Variants in URI1 observed in about 807,000 individuals in gnomAD.
URI1 encodes the protein unconventional prefoldin RPB5 interactor 1.
A neutral mutation model predicts 60.2 loss-of-function variants in URI1; 39 were observed. The observed-to-expected ratio is 0.65, with a 90% confidence interval of 0.50 to 0.85. The LOEUF (loss-of-function observed/expected upper bound fraction) is 0.85, where lower values mean the gene tolerates loss of function less well. Ranked by LOEUF, URI1 falls within the 40% of genes least tolerant of loss-of-function variation. URI1 has a pLI of 0.00. For missense variants in URI1, 691 were observed against 665.9 expected (o/e 1.04, Z -0.42); for synonymous variants, 251 against 236.8 (o/e 1.06, Z -0.55).
chr19:30,010,961 ACAT>A (rs1396709122), intron 8 of URI1, 130 bp from the exon 9 acceptor site: 21 of 920,014 alleles, frequency 2.3e-5, no homozygotes, highest in African/African-American at 3.4e-5. Context: ...CTGATAATGC[ACAT>A]CATTTCAGCA....
At chr19:29,930,369 C>T (rs1037567591) in intron 1 of URI1, among the ~76,000 whole-genome samples, 1 of 152,148 alleles carries the variant, frequency 6.6e-6, no homozygotes, top group South Asian at 2.1e-4. Flanking sequence ...ATGATTGCCC[C>T]TATGGTTTCT....
intron 1 of URI1, among the ~76,000 whole-genome samples, chr19:29,928,130 G>A (rs1188471975): frequency 6.6e-6 from 1 of 152,000 alleles, no homozygotes. Context: ...ATATGTGCAA[G>A]CAGAAGTTTT....
At chr19:29,928,659 C>A (rs930567045) in intron 1 of URI1, among the ~76,000 whole-genome samples, 1 of 151,986 alleles carries the variant, frequency 6.6e-6, no homozygotes, top group African/African-American at 2.4e-5. Context: ...AATAGGATTG[C>A]CAGATAAAAT....
intron 2 of URI1, 105 bp downstream of exon 2, chr19:29,971,332 G>A (rs1599687459): frequency 9.0e-7 from 1 of 1,115,928 alleles, no homozygotes; most frequent in Middle Eastern, 2.0e-4. Flanking sequence ...TGTATGACTA[G>A]TAATTGAATT....
At chr19:29,954,346 A>G (rs1317509233) in intron 1 of URI1, among the ~76,000 whole-genome samples, 1 of 152,080 alleles carries the variant, frequency 6.6e-6, no homozygotes, top group Non-Finnish European at 1.5e-5. Flanking sequence ...ATTTTTATTT[A>G]TATTGAATCT....
chr19:29,955,098 A>G (rs1225112525), intron 1 of URI1, among the ~76,000 whole-genome samples: 1 of 148,586 alleles, frequency 6.7e-6, no homozygotes, highest in Non-Finnish European at 1.5e-5. Flanking sequence ...GGTTCATGCT[A>G]TTCTCCTGCC....
In URI1 at chr19:29,986,342, G is replaced by C; in HGVS notation, c.292G>C (p.Val98Leu). 2 of 1,610,972 alleles carry C rather than the reference G, an allele frequency of 1.2e-6. No individual in the cohort carries two copies. The highest frequency in any genetic ancestry group is 1.7e-6 in the Non-Finnish European group (2 of 1,179,514). The change falls in exon 4 of 11, where the codon GTT becomes CTT. Residue 98 changes from valine to leucine, a missense_variant. By Grantham distance (32) the Val-to-Leu change is conservative (BLOSUM62 1). Coordinates refer to ENST00000392271, the MANE Select transcript of URI1 (RefSeq NM_003796.3). ...ACTTGTCCATACTAATGAAGTCACT[G>C]TTTTACTGGGGGACAACTGGTTTGC... ...GKLVHTNEVT[V>L]LLGDNWFAKC...
chr19:30,004,858 T>C (rs1008400974), intron 4 of URI1, among the ~76,000 whole-genome samples: 2 of 152,082 alleles, frequency 1.3e-5, no homozygotes, highest in African/African-American at 4.8e-5. Flanking sequence ...TGTTGTGTTG[T>C]TATGCAGTTT....
At chr19:29,924,432 G>T (rs1021984774) in intron 1 of URI1, among the ~76,000 whole-genome samples, 1 of 152,144 alleles carries the variant, frequency 6.6e-6, no homozygotes, top group African/African-American at 2.4e-5. Context: ...GTGTACTGGC[G>T]ATCTAAACAA....
In URI1 at chr19:30,005,539, T is replaced by C. The variant is rs184447373; in HGVS notation, c.459+87T>C. 4.9e-3 allele frequency: 7,242 copies of C among 1,490,862 alleles called. 23 individuals are homozygous for C. The highest frequency in any genetic ancestry group is 6.1e-3 in the Non-Finnish European group (6,746 of 1,099,198). The allele number at this position is 1,490,862 out of a possible 1,614,324, so 92.4% of individuals were successfully genotyped here. A position where few individuals can be genotyped will look rare whatever the true frequency, so the allele number is the denominator to read the frequency against. ...ATCTTACAGCCAAGGAACAAATTAA[T>C]TGAAGTTTAAAATGCTTTCAGACAT... On this transcript the variant is annotated intron_variant, in intron 5 of 10. Transcript: ENST00000392271.
At chr19:29,932,578 A>G (rs2054930865) in intron 1 of URI1, among the ~76,000 whole-genome samples, 1 of 151,342 alleles carries the variant, frequency 6.6e-6, no homozygotes, top group Admixed American at 6.6e-5. Flanking sequence ...CGGCCTCCCA[A>G]AGTGCTGGGA....
rs749840982 is a variant in URI1, at chr19:30,009,227, T to C, written c.909T>C (p.Asp303=). 9 of 1,613,496 alleles carry C rather than the reference T, an allele frequency of 5.6e-6. No homozygotes were observed. The highest frequency in any genetic ancestry group is 2.2e-5 in the East Asian group (1 of 44,840). Residue 303 remains aspartate (D), a synonymous_variant, in exon 8 of 11, where the codon GAT becomes GAC. Coordinates refer to ENST00000392271, the MANE Select transcript of URI1 (RefSeq NM_003796.3). The part of the protein sequence containing the change: ...SSSYHSDDDD[D]DDDDDDDDNI... ...CTTACCACAGTGATGATGATGATGA[T>C]GATGATGATGACGACGACGACGACA... is the stretch of plus-strand genomic sequence containing the variant.
At chr19:29,941,395 A>C (rs761118352), upstream of URI1, among the ~76,000 whole-genome samples, 1 of 152,206 alleles carries the variant, frequency 6.6e-6, no homozygotes, top group Non-Finnish European at 1.5e-5. Flanking sequence ...GAGGTTAGCT[A>C]AGACAGGAGG....
At chr19:30,002,328 A>G (rs756933800) in intron 4 of URI1, among the ~76,000 whole-genome samples, 1 of 152,002 alleles carries the variant, frequency 6.6e-6, no homozygotes, top group Non-Finnish European at 1.5e-5. Flanking sequence ...TTTAGGTGAA[A>G]ATGACTGCTT....
chr19:29,936,882 A>AG (rs2054977896), intron 1 of URI1, among the ~76,000 whole-genome samples: 1 of 152,060 alleles, frequency 6.6e-6, no homozygotes, highest in African/African-American at 2.4e-5. Context: ...CCTCCCCAGC[A>AG]GCTAGGGTTA....
chr19:29,965,796 A>C lies in URI1; in HGVS notation c.118-5397A>C, dbSNP rs2055384719. 2.0e-5 allele frequency among the ~76,000 whole-genome samples: 3 copies of C among 152,134 alleles called. No homozygotes were observed. In the South Asian group the frequency reaches 6.2e-4, roughly 31 times the overall value. On this transcript the variant is annotated intron_variant, in intron 1 of 10. Transcript: ENST00000392271. ...AGTGAGTAATGATTACTGAAAGAAA[A>C]AAAGAGCCCAGTTTGTAGGTAAAGC...
intron 10 of URI1, among the ~76,000 whole-genome samples, chr19:30,013,691 T>C: frequency 6.6e-6 from 1 of 152,166 alleles, no homozygotes; most frequent in Admixed American, 6.5e-5. Context: ...AGTTCATGAT[T>C]ATGGTAAGTA....
intron 1 of URI1, among the ~76,000 whole-genome samples, chr19:29,944,819 A>C (rs934758797): frequency 6.6e-6 from 1 of 152,248 alleles, no homozygotes. Flanking sequence ...CAGGAGACCC[A>C]CAAGGCCACA....
chr19:29,986,006 G>C (rs553191508), intron 3 of URI1, among the ~76,000 whole-genome samples: 1 of 152,122 alleles, frequency 6.6e-6, no homozygotes, highest in African/African-American at 2.4e-5. Flanking sequence ...TAAACATGCC[G>C]AGACAGTACT....
Sources: gnomAD v4.1 joint callset for allele counts (sites outside exome capture counted in the v4.1 genomes callset) on GRCh38, gnomAD v4.1.1 for gene constraint, MANE v1.5 for transcripts, NCBI Gene and HGNC (gene_info 2026-07-23, HGNC 2026-07-21) for gene names.